The following STK38L variants were observed in gnomAD, a reference collection of about 807,000 sequenced individuals.
STK38L encodes serine/threonine kinase 38 like.
A neutral mutation model predicts 59.7 loss-of-function variants in STK38L; 28 were observed. That is an observed-to-expected ratio of 0.47 (90% confidence interval 0.35 to 0.64). STK38L has a LOEUF of 0.64. Ranked by LOEUF, STK38L falls within the 30% of genes least tolerant of loss-of-function variation. The probability of loss-of-function intolerance (pLI) is 0.01; values close to 1 mark genes in which losing one functional copy is unlikely to be tolerated. For missense variants in STK38L, 314 were observed against 555.8 expected (o/e 0.56, Z 4.37); for synonymous variants, 162 against 176.8 (o/e 0.92, Z 0.66).
At chr12:27,322,074 A>G in intron 12 of STK38L, 69 bp from the exon 13 acceptor site, 1 of 1,384,350 alleles carries the variant, frequency 7.2e-7, no homozygotes, top group Non-Finnish European at 1.0e-6. Context: ...AGAATTTACA[A>G]GTAGAATTAT....
chr12:27,255,764 A>G (rs1235716151), intron 1 of STK38L, among the ~76,000 whole-genome samples: 1 of 152,082 alleles, frequency 6.6e-6, no homozygotes. Flanking sequence ...ATGCTGTGAT[A>G]TCTTCAATAA....
chr12:27,263,100 T>C (rs1943235989), intron 1 of STK38L, among the ~76,000 whole-genome samples: 1 of 152,220 alleles, frequency 6.6e-6, no homozygotes, highest in Admixed American at 6.5e-5. Flanking sequence ...CAAGATTGTT[T>C]TGATAGAACA....
chr12:27,271,665 A>G (rs2136618153), intron 1 of STK38L, among the ~76,000 whole-genome samples: 1 of 152,288 alleles, frequency 6.6e-6, no homozygotes, highest in African/African-American at 2.4e-5. Flanking sequence ...GAGACAGCTA[A>G]CCATATTTGA....
chr12:27,286,950 G>T (rs2136630738), intron 1 of STK38L, among the ~76,000 whole-genome samples: 1 of 152,140 alleles, frequency 6.6e-6, no homozygotes, highest in East Asian at 1.9e-4. Context: ...TTTTTCATGT[G>T]TTTTAAACTA....
intron 3 of STK38L, among the ~76,000 whole-genome samples, chr12:27,305,341 GTAGAAAA>G (rs1289893382): frequency 6.6e-6 from 1 of 152,156 alleles, no homozygotes; most frequent in African/African-American, 2.4e-5. Flanking sequence ...TGAATAACTT[GTAGAAAA>G]TAGGAGATGA....
intron 12 of STK38L, among the ~76,000 whole-genome samples, chr12:27,321,545 C>A (rs1944727771): frequency 6.6e-6 from 1 of 152,110 alleles, no homozygotes; most frequent in Non-Finnish European, 1.5e-5. Context: ...ATCTCAAATA[C>A]TTTATACAAT....
intron 1 of STK38L, among the ~76,000 whole-genome samples, chr12:27,258,394 G>A (rs1390652625): frequency 6.6e-6 from 1 of 151,486 alleles, no homozygotes; most frequent in Non-Finnish European, 1.5e-5. Context: ...GCATGATCTC[G>A]GCTCACTGCA....
At chr12:27,272,257 C>T (rs1186168920) in intron 1 of STK38L, among the ~76,000 whole-genome samples, 5 of 152,140 alleles carry the variant, frequency 3.3e-5, no homozygotes, top group African/African-American at 9.7e-5. Context: ...GACATTATAG[C>T]TCCTTATCCA....
chr12:27,270,373 T>C (rs1352434734), intron 1 of STK38L, among the ~76,000 whole-genome samples: 1 of 151,860 alleles, frequency 6.6e-6, no homozygotes, highest in Non-Finnish European at 1.5e-5. Context: ...ACCCAGCTGA[T>C]TGATTCTTAT....
intron 11 of STK38L, 112 bp downstream of exon 11, chr12:27,318,131 C>A: frequency 1.6e-6 from 2 of 1,252,252 alleles, no homozygotes; most frequent in Non-Finnish European, 2.2e-6. Flanking sequence ...TGTATACAGT[C>A]AAAGAGATCA....
At chr12:27,305,968 C>A (rs932494590) in intron 3 of STK38L, among the ~76,000 whole-genome samples, 2 of 152,144 alleles carry the variant, frequency 1.3e-5, no homozygotes, top group African/African-American at 4.8e-5. Flanking sequence ...TATCAACAGG[C>A]TTTTTCACCA....
chr12:27,258,714 T>C (rs1029984840), intron 1 of STK38L, among the ~76,000 whole-genome samples: 1 of 152,258 alleles, frequency 6.6e-6, no homozygotes, highest in African/African-American at 2.4e-5. Flanking sequence ...CTTTACATTT[T>C]CTCTATTAAA....
chr12:27,245,528 C>T (rs1942830785), intron 1 of STK38L: 1 of 152,036 alleles, frequency 6.6e-6, no homozygotes, highest in Non-Finnish European at 1.5e-5. Flanking sequence ...CTTGAAAGTT[C>T]TTTGTCTCAA....
At chr12:27,309,556 A>C (rs1944408972) in intron 5 of STK38L, among the ~76,000 whole-genome samples, 1 of 152,170 alleles carries the variant, frequency 6.6e-6, no homozygotes, top group Non-Finnish European at 1.5e-5. Flanking sequence ...CTAAGTTTTC[A>C]CATGGCCTTT....
intron 1 of STK38L, chr12:27,297,240 A>G (rs1425538503): frequency 6.5e-6 from 1 of 153,002 alleles, no homozygotes; most frequent in Non-Finnish European, 1.5e-5. Context: ...TATTTGATAC[A>G]ACACTTCATG....
At chr12:27,263,737 C>T (rs1034051887) in intron 1 of STK38L, among the ~76,000 whole-genome samples, 1 of 152,170 alleles carries the variant, frequency 6.6e-6, no homozygotes, top group Non-Finnish European at 1.5e-5. Flanking sequence ...CTGCATCATT[C>T]TGAGTACTTT....
chr12:27,320,605 A>G (rs1404701065), intron 12 of STK38L, among the ~76,000 whole-genome samples: 3 of 151,732 alleles, frequency 2.0e-5, no homozygotes, highest in Admixed American at 6.6e-5. Flanking sequence ...AATAATAGCT[A>G]ATTTTTAAAA....
At chr12:27,251,569 G>T (rs1445400061) in intron 1 of STK38L, among the ~76,000 whole-genome samples, 1 of 152,186 alleles carries the variant, frequency 6.6e-6, no homozygotes, top group Non-Finnish European at 1.5e-5. Flanking sequence ...AGTAAAAGCT[G>T]CTACAAGCAA....
chr12:27,317,601 A>G, intron 10 of STK38L, 148 bp downstream of exon 10: 1 of 740,718 alleles, frequency 1.4e-6, no homozygotes, highest in Non-Finnish European at 2.2e-6. Context: ...CATACTGATC[A>G]ATACCAGTGA....
Sources: gnomAD v4.1 joint callset for allele counts (sites outside exome capture counted in the v4.1 genomes callset) on GRCh38, gnomAD v4.1.1 for gene constraint, MANE v1.5 for transcripts, NCBI Gene and HGNC (gene_info 2026-07-23, HGNC 2026-07-21) for gene names.